OCLN: variants seen among roughly 807,000 people sequenced by gnomAD.
The protein encoded by OCLN is phosphatase 1, regulatory subunit 115.
In OCLN, 21 loss-of-function variants were observed where a neutral mutation model predicts 47.9. The ratio of observed to expected loss-of-function variants is 0.44; its 90% CI spans 0.31 to 0.63. The LOEUF (loss-of-function observed/expected upper bound fraction) is 0.63, where lower values mean the gene tolerates loss of function less well. Among genes scored for constraint, OCLN ranks in the 30% least tolerant of loss-of-function variants. OCLN has a pLI of 0.08. For synonymous variants in OCLN, 117 were observed against 198.4 expected (o/e 0.59, Z 3.45); for missense variants, 360 against 571.0 (o/e 0.63, Z 3.77).
At chr5:69,515,568 G>A (rs1768926950) in intron 4 of OCLN, among the ~76,000 whole-genome samples, 3 of 144,532 alleles carry the variant, frequency 2.1e-5, no homozygotes, top group Non-Finnish European at 4.5e-5. Flanking sequence ...CGGACGGGGC[G>A]GCTGGCCGGG....
At chr5:69,504,105 G>A (rs902004142) in intron 1 of OCLN, 72 bp from the exon 2 acceptor site, 3 of 702,906 alleles carry the variant, frequency 4.3e-6, no homozygotes, top group Admixed American at 2.1e-5. Context: ...GTCTCGGGGT[G>A]GGGGTGGGAT....
chr5:69,495,921 C>T (rs984002349), intron 1 of OCLN, among the ~76,000 whole-genome samples: 3 of 152,050 alleles, frequency 2.0e-5, no homozygotes, highest in Admixed American at 1.3e-4. Flanking sequence ...GGATTGACAC[C>T]TTTATTGTAG....
intron 4 of OCLN, among the ~76,000 whole-genome samples, chr5:69,529,817 G>A (rs1769381282): frequency 6.6e-6 from 1 of 152,050 alleles, no homozygotes; most frequent in Non-Finnish European, 1.5e-5. Context: ...TTGCCAGGCT[G>A]GTCTCGAACT....
rs527907847 is a variant in OCLN at position 69,533,088 on chromosome 5, TACAC to T, written c.892-1588_892-1585del. Among the ~76,000 whole-genome samples, 112 of 124,718 alleles carry T rather than the reference TACAC, an allele frequency of 9.0e-4. 2 individuals are homozygous for T. In the South Asian group the frequency reaches 0.013, roughly 14 times the overall value. The allele number at this position is 124,718 out of a possible 152,430, so 81.8% of individuals were successfully genotyped here. A position where few individuals can be genotyped will look rare whatever the true frequency, so the allele number is the denominator to read the frequency against. ...ATATATACACACACATATATATATA[TACAC>T]ACACACACACACACACATATATATA... On this transcript the variant is annotated intron_variant, in intron 4 of 8. Coordinates refer to ENST00000396442, the MANE Select transcript of OCLN (RefSeq NM_001205254.2).
chr5:69,533,335 T>A (rs1249493884), intron 4 of OCLN, among the ~76,000 whole-genome samples: 1 of 151,820 alleles, frequency 6.6e-6, no homozygotes, highest in Non-Finnish European at 1.5e-5. Flanking sequence ...CCTTGGGGAG[T>A]GCGCCATGCA....
chr5:69,523,134 C>G (rs1769188087), intron 4 of OCLN, among the ~76,000 whole-genome samples: 1 of 152,116 alleles, frequency 6.6e-6, no homozygotes, highest in Non-Finnish European at 1.5e-5. Context: ...TAACTTTATT[C>G]ATATTGAGAT....
intron 4 of OCLN, among the ~76,000 whole-genome samples, chr5:69,528,632 C>T (rs1169570901): frequency 6.6e-6 from 1 of 152,124 alleles, no homozygotes; most frequent in Non-Finnish European, 1.5e-5. Context: ...AGCTTTGGAG[C>T]TAGATGGACC....
chr5:69,553,705 A>G lies in OCLN; in HGVS notation c.*34A>G, dbSNP rs1436494268. On this transcript the variant is annotated 3_prime_UTR_variant, in exon 9 of 9. Transcript: ENST00000396442. ...TGCCAAGTTGTTTGAGAAATTAAGTATCTGACATCTCTGCAATCTTCTCAG... is the reference window on the plus strand; with the variant it reads ...TGCCAAGTTGTTTGAGAAATTAAGTGTCTGACATCTCTGCAATCTTCTCAG... 1 of 1,590,174 alleles carries G rather than the reference A, an allele frequency of 6.3e-7. No homozygotes were observed. The highest frequency in any genetic ancestry group is 8.6e-7 in the Non-Finnish European group (1 of 1,158,862).
At chr5:69,548,960 C>T (rs1769781456) in intron 7 of OCLN, among the ~76,000 whole-genome samples, 1 of 147,134 alleles carries the variant, frequency 6.8e-6, no homozygotes, top group Non-Finnish European at 1.5e-5. Flanking sequence ...GACTCCATCT[C>T]AAAAATTAAT....
chr5:69,500,206 T>C (rs1366632744), intron 1 of OCLN, among the ~76,000 whole-genome samples: 1 of 152,152 alleles, frequency 6.6e-6, no homozygotes, highest in African/African-American at 2.4e-5. Context: ...TTTGTGCTAA[T>C]TGGGTGCCGT....
At chr5:69,513,607 G>C (rs59505451) in intron 3 of OCLN, among the ~76,000 whole-genome samples, 1,683 of 152,282 alleles carry the variant, frequency 0.011, 35 homozygotes, top group African/African-American at 0.038. Flanking sequence ...CATTCTCGTA[G>C]GTGCACAAAG....
intron 4 of OCLN, among the ~76,000 whole-genome samples, chr5:69,523,346 T>C (rs554398215): frequency 2.2e-4 from 34 of 152,120 alleles, no homozygotes; most frequent in Admixed American, 3.9e-4. Flanking sequence ...TTTCTAACAG[T>C]ATATGATAAT....
chr5:69,518,859 G>A (rs561733228), intron 4 of OCLN, among the ~76,000 whole-genome samples: 5 of 152,220 alleles, frequency 3.3e-5, no homozygotes, highest in East Asian at 3.9e-4. Flanking sequence ...TGGCTGATTC[G>A]GGGGGAAAAG....
chr5:69,518,666 T>A (rs1290555015), intron 4 of OCLN, among the ~76,000 whole-genome samples: 1 of 152,220 alleles, frequency 6.6e-6, no homozygotes, highest in Non-Finnish European at 1.5e-5. Flanking sequence ...TCTAAACTGT[T>A]CACAGTGGAG....
At chr5:69,549,964 T>G (rs1336441840) in intron 7 of OCLN, among the ~76,000 whole-genome samples, 1 of 150,824 alleles carries the variant, frequency 6.6e-6, no homozygotes, top group African/African-American at 2.4e-5. Flanking sequence ...TATTTCTGGC[T>G]TTTCTTAACA....
In OCLN at chr5:69,518,770, T is replaced by G. The variant is rs543429899; in HGVS notation, c.891+4661T>G. Among the ~76,000 whole-genome samples, 6 of 152,296 alleles carry G rather than the reference T, an allele frequency of 3.9e-5. No individual in the cohort carries two copies. In the South Asian group the frequency reaches 1.2e-3, roughly 32 times the overall value. ...TGGATGAGAATCTAGAATTAACTACTTGCACTAAAGGAGAATTAAAATTTG... is the reference window on the plus strand; with the variant it reads ...TGGATGAGAATCTAGAATTAACTACGTGCACTAAAGGAGAATTAAAATTTG... On this transcript the variant is annotated intron_variant, in intron 4 of 8. Transcript: ENST00000396442.
At position 69,553,756 on chromosome 5, in the gene OCLN, C is replaced by G. The variant is rs1281269380; in HGVS notation, c.*85C>G. The G allele has an allele frequency of 1.5e-4, 235 of 1,587,104 alleles. No individual in the cohort carries two copies. The highest frequency in any genetic ancestry group is 1.0e-5 in the Non-Finnish European group (12 of 1,159,508). On this transcript the variant is annotated 3_prime_UTR_variant, in exon 9 of 9. Coordinates refer to ENST00000396442, the MANE Select transcript of OCLN (RefSeq NM_001205254.2). ...AAGGCAAATGACTTTGGACCATAACCCCGGAAGCCAAACCTCTGTGAGCAT... is the reference window on the plus strand; with the variant it reads ...AAGGCAAATGACTTTGGACCATAACGCCGGAAGCCAAACCTCTGTGAGCAT...
chr5:69,557,621 C>G lies in OCLN; in HGVS notation c.*3950C>G, dbSNP rs1425188407. ...ATTTGTACATGATAAACAAATGCTT[C>G]TTTAGGTTAGAGCAAATAGTTTACT... On this transcript the variant is annotated 3_prime_UTR_variant, in exon 9 of 9. Transcript: ENST00000396442. 2.4e-5 allele frequency: 2 copies of G among 84,628 alleles called. 1 individual carries two copies. The highest frequency in any genetic ancestry group is 9.3e-4 in the East Asian group (2 of 2,144). The allele number at this position is 84,628 out of a possible 1,614,324, so 5.2% of individuals were successfully genotyped here.
intron 1 of OCLN, among the ~76,000 whole-genome samples, chr5:69,503,265 A>G (rs966294203): frequency 2.6e-5 from 4 of 152,096 alleles, no homozygotes; most frequent in Non-Finnish European, 5.9e-5. Flanking sequence ...ATCTGGTTCA[A>G]ATCAAACTTA....
Sources: allele counts gnomAD v4.1 joint callset (sites outside exome capture counted in the v4.1 genomes callset), GRCh38; gene constraint gnomAD v4.1.1; transcripts MANE v1.5; gene names NCBI Gene and HGNC (gene_info 2026-07-23, HGNC 2026-07-21).